DENND1A: variants seen among roughly 807,000 people sequenced by gnomAD.
DENND1A encodes the protein DENN domain containing 1A.
A neutral mutation model predicts 113.7 loss-of-function variants in DENND1A; 51 were observed. That is an observed-to-expected ratio of 0.45 (90% CI 0.36 to 0.57). The LOEUF is 0.57. Among genes scored for constraint, DENND1A ranks in the 20% least tolerant of loss-of-function variants. The pLI is 0.00. For missense variants in DENND1A, 1,258 were observed against 1,395.9 expected, an observed-to-expected ratio of 0.90 and a Z score of 1.57; for synonymous variants, 565 against 570.8, an observed-to-expected ratio of 0.99 and a Z score of 0.14.
chr9:123,802,705 C>CT (rs559650822), intron 2 of DENND1A, among the ~76,000 whole-genome samples: 4,236 of 144,672 alleles, frequency 0.029, 63 homozygotes, highest in East Asian at 0.04. Flanking sequence ...TCACTACTGC[C>CT]TTTTTTTTTT....
At chr9:123,797,375 C>T (rs1028471781) in intron 2 of DENND1A, among the ~76,000 whole-genome samples, 2 of 152,084 alleles carry the variant, frequency 1.3e-5, no homozygotes, top group South Asian at 2.1e-4. Context: ...ATGACATTTC[C>T]AAATTTTATA....
chr9:123,769,433 T>C, intron 4 of DENND1A, 81 bp downstream of exon 4: 10 of 1,247,660 alleles, frequency 8.0e-6, no homozygotes, highest in Non-Finnish European at 1.1e-5. Flanking sequence ...AGACAGAATG[T>C]TAAGAATGGT....
intron 13 of DENND1A, among the ~76,000 whole-genome samples, chr9:123,475,498 C>T (rs2049834628): frequency 6.6e-6 from 1 of 152,228 alleles, no homozygotes; most frequent in Non-Finnish European, 1.5e-5. Flanking sequence ...GACAGAGTTG[C>T]ATTTTTAGTG....
At chr9:123,857,689 T>G (rs1242766623) in intron 2 of DENND1A, among the ~76,000 whole-genome samples, 1 of 152,078 alleles carries the variant, frequency 6.6e-6, no homozygotes, top group African/African-American at 2.4e-5. Context: ...AAACCCAAAT[T>G]GAGGCTTGTA....
At chr9:123,482,913 A>G (rs73666960) in intron 13 of DENND1A, among the ~76,000 whole-genome samples, 3,112 of 152,296 alleles carry the variant, frequency 0.02, 98 homozygotes, top group African/African-American at 0.072. Flanking sequence ...GGCATGGATC[A>G]TGCAGGTCTT....
intron 5 of DENND1A, among the ~76,000 whole-genome samples, chr9:123,727,844 T>C (rs10441755): frequency 0.42 from 64,285 of 151,606 alleles, 16,884 homozygotes; most frequent in African/African-American, 0.75. Context: ...TGGTGGCTCA[T>C]GCCTGTAATC....
At chr9:123,659,717 G>T (rs1419948329) in intron 8 of DENND1A, among the ~76,000 whole-genome samples, 3 of 152,230 alleles carry the variant, frequency 2.0e-5, no homozygotes, top group African/African-American at 7.2e-5. Context: ...AAGTCCCAGG[G>T]TAGCAAAGCC....
chr9:123,425,592 C>T (rs537171884), intron 19 of DENND1A, among the ~76,000 whole-genome samples: 31 of 150,498 alleles, frequency 2.1e-4, no homozygotes, highest in Non-Finnish European at 4.0e-4. Flanking sequence ...CTTTCCTGCC[C>T]GCACTCATTC....
At position 123,471,507 on chromosome 9, in the gene DENND1A, C is replaced by T. The variant is rs117013747; in HGVS notation, c.994-13610G>A. ...TTTCAGTGCATGTGACACGCGCTAC[C>T]TGTGCAGGACATGTGACAGGGCAGT... On this transcript the variant is annotated intron_variant, in intron 13 of 23. Coordinates refer to ENST00000394215, the MANE Select transcript of DENND1A (RefSeq NM_001352964.2). Among the ~76,000 whole-genome samples the T allele has an allele frequency of 2.0e-5, 3 of 152,352 alleles. No individual in the cohort carries two copies. The East Asian group carries it at 5.8e-4, about 29-fold the overall frequency.
chr9:123,754,428 T>C (rs912310746), intron 5 of DENND1A, among the ~76,000 whole-genome samples: 5 of 152,198 alleles, frequency 3.3e-5, no homozygotes, highest in African/African-American at 1.2e-4. Flanking sequence ...ATAGCTTCTC[T>C]ACCCTCATAT....
intron 2 of DENND1A, among the ~76,000 whole-genome samples, chr9:123,856,521 C>G (rs1337437848): frequency 6.6e-6 from 1 of 152,100 alleles, no homozygotes; most frequent in Non-Finnish European, 1.5e-5. Context: ...AAAAGATGAT[C>G]TGGTGTGAGG....
chr9:123,672,948 G>A (rs2063837274), intron 6 of DENND1A, among the ~76,000 whole-genome samples: 1 of 152,184 alleles, frequency 6.6e-6, no homozygotes, highest in South Asian at 2.1e-4. Flanking sequence ...ATCCTTGGCA[G>A]CAAACAATCC....
chr9:123,726,551 A>G (rs1173477613), intron 5 of DENND1A, among the ~76,000 whole-genome samples: 1 of 152,238 alleles, frequency 6.6e-6, no homozygotes, highest in Non-Finnish European at 1.5e-5. Flanking sequence ...GCATTAAAAA[A>G]TGAATGAAGA....
chr9:123,432,208 T>C (rs2046186290), intron 19 of DENND1A, among the ~76,000 whole-genome samples: 1 of 152,214 alleles, frequency 6.6e-6, no homozygotes, highest in Non-Finnish European at 1.5e-5. Flanking sequence ...TTCTCTTTTT[T>C]GATTGGCAAG....
intron 5 of DENND1A, among the ~76,000 whole-genome samples, chr9:123,757,198 C>T (rs75320550): frequency 2.1e-3 from 327 of 152,258 alleles, no homozygotes; most frequent in African/African-American, 7.5e-3. Flanking sequence ...CCTTCTTACA[C>T]GATTCTTAAT....
At chr9:123,473,309 T>C (rs2049603767) in intron 13 of DENND1A, among the ~76,000 whole-genome samples, 1 of 151,888 alleles carries the variant, frequency 6.6e-6, no homozygotes, top group Non-Finnish European at 1.5e-5. Context: ...AGAATGTATG[T>C]GTGTGCTGGG....
chr9:123,668,027 G>GGA (rs1371429770), intron 7 of DENND1A, among the ~76,000 whole-genome samples: 1 of 152,142 alleles, frequency 6.6e-6, no homozygotes, highest in Non-Finnish European at 1.5e-5. Context: ...CAACAAGCAT[G>GGA]CATCCCTGAA....
intron 18 of DENND1A, among the ~76,000 whole-genome samples, chr9:123,450,155 C>T (rs1277487006): frequency 3.3e-5 from 5 of 152,126 alleles, no homozygotes; most frequent in Non-Finnish European, 5.9e-5. Flanking sequence ...GCCCTCCCCT[C>T]CCCACTCAGA....
At chr9:123,680,492 T>C (rs936030167) in intron 5 of DENND1A, among the ~76,000 whole-genome samples, 6 of 152,218 alleles carry the variant, frequency 3.9e-5, no homozygotes, top group Non-Finnish European at 8.8e-5. Flanking sequence ...CCTCCAAATA[T>C]GGCGGACATG....
Sources: allele counts gnomAD v4.1 joint callset (sites outside exome capture counted in the v4.1 genomes callset), GRCh38; gene constraint gnomAD v4.1.1; transcripts MANE v1.5; gene names NCBI Gene and HGNC (gene_info 2026-07-23, HGNC 2026-07-21).